Variants in HUNK observed in about 807,000 individuals in gnomAD.
The protein encoded by HUNK is hormonally up-regulated Neu-associated kinase.
A neutral mutation model predicts 61.0 loss-of-function variants in HUNK; 21 were observed. The ratio of observed to expected loss-of-function variants is 0.34; its 90% CI spans 0.24 to 0.50. The LOEUF is 0.50. Ranked by LOEUF, HUNK falls within the 20% of genes least tolerant of loss-of-function variation. The pLI, the probability that HUNK is intolerant of heterozygous loss-of-function variation, is 0.98. For synonymous variants in HUNK, 371 were observed against 386.1 expected, an observed-to-expected ratio of 0.96 and a Z score of 0.46; for missense variants, 772 against 945.7, an observed-to-expected ratio of 0.82 and a Z score of 2.41.
At chr21:31,953,844 A>G (rs2052869522) in intron 4 of HUNK, among the ~76,000 whole-genome samples, 1 of 152,102 alleles carries the variant, frequency 6.6e-6, no homozygotes. Flanking sequence ...GGAATTCTGG[A>G]ATCAGTTTGT....
chr21:31,893,067 A>T (rs1165589177), intron 1 of HUNK, among the ~76,000 whole-genome samples: 1 of 152,160 alleles, frequency 6.6e-6, no homozygotes, highest in East Asian at 1.9e-4. Context: ...TTGGGCTACA[A>T]ATTAAATCGA....
chr21:31,893,739 G>A (rs917673982), intron 1 of HUNK, among the ~76,000 whole-genome samples: 7 of 152,162 alleles, frequency 4.6e-5, no homozygotes, highest in Non-Finnish European at 8.8e-5. Flanking sequence ...GTTTGAGAAA[G>A]TTTGTGGGAC....
chr21:31,886,963 C>T lies in HUNK; in HGVS notation c.261+13028C>T, dbSNP rs549240021. 2.6e-5 allele frequency among the ~76,000 whole-genome samples: 4 copies of T among 152,274 alleles called. No homozygotes were observed. In the South Asian group the frequency reaches 8.3e-4, roughly 32 times the overall value. On this transcript the variant is annotated intron_variant, in intron 1 of 10. Coordinates refer to ENST00000270112, the MANE Select transcript of HUNK (RefSeq NM_014586.2). ...AAAATATTTTATGAATGGATCCAAG[C>T]ATGGTTTGATCTTCCCAAGACATGT...
intron 5 of HUNK, among the ~76,000 whole-genome samples, chr21:31,964,732 G>A (rs1294859277): frequency 6.6e-6 from 1 of 152,202 alleles, no homozygotes; most frequent in East Asian, 1.9e-4. Context: ...CAATGTCTGT[G>A]ACGTCCAAAG....
At chr21:31,917,737 CACACACACACACACACACA>C (rs1457856282) in intron 1 of HUNK, among the ~76,000 whole-genome samples, 12 of 148,916 alleles carry the variant, frequency 8.1e-5, no homozygotes, top group Non-Finnish European at 1.2e-4. Context: ...CACACACACA[CACACACACACACACACACA>C]CCCCTGGACT....
At chr21:31,929,549 G>C (rs541611872) in intron 2 of HUNK, among the ~76,000 whole-genome samples, 15 of 152,214 alleles carry the variant, frequency 9.9e-5, no homozygotes, top group Non-Finnish European at 1.8e-4. Flanking sequence ...CACCAAGAAC[G>C]CCGATTCTGC....
chr21:31,953,861 A>G (rs945278934), intron 4 of HUNK, among the ~76,000 whole-genome samples: 1 of 152,162 alleles, frequency 6.6e-6, no homozygotes, highest in African/African-American at 2.4e-5. Context: ...TTGTAAAGTC[A>G]TCAATTAAAG....
At chr21:31,974,283 G>A in intron 6 of HUNK, 1 of 268,962 alleles carries the variant, frequency 3.7e-6, no homozygotes, top group Non-Finnish European at 6.9e-6. Flanking sequence ...AGGGTTAAGG[G>A]GTAAAATGTC....
In HUNK at chr21:31,974,585, C is replaced by T. The variant is rs768611459; in HGVS notation, c.1041C>T (p.Val347=). 9.3e-6 allele frequency: 15 copies of T among 1,613,632 alleles called. No individual in the cohort carries two copies. Among genetic ancestry groups the T allele is most frequent in the African/African-American group, 6.7e-5 (5 of 74,894 alleles). The change falls in exon 7 of 11, where the codon GTC becomes GTT. Residue 347 remains valine, a synonymous_variant. Transcript: ENST00000270112. ...CTCTGGAAGATCTGAGCCCGAGCGT[C>T]GTGCTGCACATGACCGAGAAGCTGG... ...RISLEDLSPS[V]VLHMTEKLGY...
chr21:31,922,422 G>A (rs1224475296), intron 1 of HUNK, among the ~76,000 whole-genome samples: 2 of 151,278 alleles, frequency 1.3e-5, no homozygotes, highest in Non-Finnish European at 2.9e-5. Flanking sequence ...TACCTCCTGG[G>A]TTCAAGCGAT....
At chr21:31,984,852 C>T (rs970009610) in intron 8 of HUNK, among the ~76,000 whole-genome samples, 8 of 152,136 alleles carry the variant, frequency 5.3e-5, no homozygotes, top group South Asian at 2.1e-4. Context: ...TCTGTTCTCA[C>T]GCTGCTAATG....
chr21:31,874,500 C>T (rs1310278597), intron 1 of HUNK, among the ~76,000 whole-genome samples: 4 of 151,924 alleles, frequency 2.6e-5, no homozygotes, highest in Non-Finnish European at 1.5e-5. Context: ...GGGAATTTTT[C>T]GTGCTCAGAG....
intron 1 of HUNK, among the ~76,000 whole-genome samples, chr21:31,881,318 C>T (rs1189048413): frequency 6.6e-6 from 1 of 152,156 alleles, no homozygotes; most frequent in Non-Finnish European, 1.5e-5. Flanking sequence ...GTCCTCTCAT[C>T]TCGTTACCTT....
At chr21:31,995,743 G>A (rs545889182) in intron 9 of HUNK, 25 bp from the exon 10 acceptor site, 33 of 1,596,208 alleles carry the variant, frequency 2.1e-5, no homozygotes, top group South Asian at 1.9e-4. Context: ...GTGTCTAAGT[G>A]CATATGTTTG....
At chr21:31,990,108 G>T in intron 8 of HUNK, 21 bp from the exon 9 acceptor site, 1 of 1,612,022 alleles carries the variant, frequency 6.2e-7, no homozygotes, top group Non-Finnish European at 8.5e-7. Flanking sequence ...TCGAATTGTT[G>T]AAGGATGTTC....
At chr21:31,986,566 A>G (rs1397784616) in intron 8 of HUNK, among the ~76,000 whole-genome samples, 1 of 151,950 alleles carries the variant, frequency 6.6e-6, no homozygotes, top group African/African-American at 2.4e-5. Context: ...TTCATTTGCC[A>G]GGCAGACTCC....
chr21:31,972,995 A>G (rs2053022420), intron 6 of HUNK, among the ~76,000 whole-genome samples: 1 of 151,866 alleles, frequency 6.6e-6, no homozygotes, highest in African/African-American at 2.4e-5. Context: ...TCTTCTTTAC[A>G]ATTATGGGGC....
intron 9 of HUNK, among the ~76,000 whole-genome samples, chr21:31,990,436 A>T (rs1271028535): frequency 2.0e-5 from 3 of 151,524 alleles, no homozygotes; most frequent in Non-Finnish European, 2.9e-5. Context: ...TTTTTTTTTA[A>T]AGCCGTTGAC....
intron 1 of HUNK, among the ~76,000 whole-genome samples, chr21:31,916,068 T>TTTTTC (rs397866970): frequency 7.0e-6 from 1 of 143,770 alleles, no homozygotes; most frequent in Non-Finnish European, 1.5e-5. Context: ...TTTTTTTTTT[T>TTTTTC]GAGACGGAGT....
Sources: allele counts gnomAD v4.1 joint callset (sites outside exome capture counted in the v4.1 genomes callset), GRCh38; gene constraint gnomAD v4.1.1; transcripts MANE v1.5; gene names NCBI Gene and HGNC (gene_info 2026-07-23, HGNC 2026-07-21).